The following NKAIN2 variants were observed in gnomAD, a reference collection of about 807,000 sequenced individuals.
NKAIN2 encodes sodium/potassium-transporting ATPase subunit beta-1-interacting protein 2.
In NKAIN2, 14 loss-of-function variants were observed where a neutral mutation model predicts 32.6. The ratio of observed to expected loss-of-function variants is 0.43; its 90% CI spans 0.28 to 0.67. The LOEUF (loss-of-function observed/expected upper bound fraction) is 0.67, where lower values mean the gene tolerates loss of function less well. Among genes scored for constraint, NKAIN2 ranks in the 30% least tolerant of loss-of-function variants. NKAIN2 has a pLI of 0.17. For missense variants in NKAIN2, 198 were observed against 258.3 expected, an observed-to-expected ratio of 0.77 and a Z score of 1.60; for synonymous variants, 80 against 87.2, an observed-to-expected ratio of 0.92 and a Z score of 0.46.
intron 1 of NKAIN2, among the ~76,000 whole-genome samples, chr6:124,154,479 G>T (rs1052966713): frequency 1.3e-5 from 2 of 151,892 alleles, no homozygotes; most frequent in African/African-American, 4.8e-5. Flanking sequence ...AGATAACTTA[G>T]CTTCTTACTG....
In NKAIN2 at chr6:124,531,847, T is replaced by G. The variant is rs1378184375; in HGVS notation, c.274-126339T>G. ...CACCATGCCCAGCTAATTTTTGTAT[T>G]TTTTGTACAGACGGGGTTTCACCAT... On this transcript the variant is annotated intron_variant, in intron 3 of 6. Transcript: ENST00000368417. Among the ~76,000 whole-genome samples, 3 of 152,176 alleles carry G rather than the reference T, an allele frequency of 2.0e-5. No individual in the cohort carries two copies. The East Asian group carries it at 5.8e-4, about 29-fold the overall frequency.
At chr6:124,552,224 AC>A (rs1780315054) in intron 3 of NKAIN2, among the ~76,000 whole-genome samples, 1 of 152,234 alleles carries the variant, frequency 6.6e-6, no homozygotes, top group African/African-American at 2.4e-5. Flanking sequence ...TAAATTGTAT[AC>A]AAACATGAGG....
chr6:123,807,081 A>G (rs924156810), intron 1 of NKAIN2, among the ~76,000 whole-genome samples: 4 of 152,028 alleles, frequency 2.6e-5, no homozygotes, highest in South Asian at 2.1e-4. Flanking sequence ...TCAGAATTCT[A>G]TATCTGTGCT....
intron 5 of NKAIN2, among the ~76,000 whole-genome samples, chr6:124,814,635 G>A (rs998305264): frequency 6.6e-6 from 1 of 152,012 alleles, no homozygotes; most frequent in African/African-American, 2.4e-5. Flanking sequence ...CAAGCCCCAG[G>A]CCACTCAAGC....
At chr6:124,336,232 C>A (rs1360890643) in intron 2 of NKAIN2, among the ~76,000 whole-genome samples, 2 of 152,130 alleles carry the variant, frequency 1.3e-5, no homozygotes, top group Non-Finnish European at 2.9e-5. Context: ...AGCTCTCAGG[C>A]AGGTCAAATC....
intron 3 of NKAIN2, among the ~76,000 whole-genome samples, chr6:124,409,977 G>A (rs1257534233): frequency 6.6e-6 from 1 of 152,142 alleles, no homozygotes; most frequent in Non-Finnish European, 1.5e-5. Context: ...TAGTTTATTT[G>A]CATAGAGGTG....
At chr6:124,707,755 G>A (rs1238578561) in intron 4 of NKAIN2, among the ~76,000 whole-genome samples, 1 of 151,692 alleles carries the variant, frequency 6.6e-6, no homozygotes, top group African/African-American at 2.4e-5. Context: ...TTTGTCAGAT[G>A]AGTAGGTTGC....
intron 1 of NKAIN2, among the ~76,000 whole-genome samples, chr6:124,171,547 A>ATTTTTT (rs10665262): frequency 0.012 from 1,142 of 96,434 alleles, 72 homozygotes; most frequent in African/African-American, 0.042. Context: ...GGCCGATTTG[A>ATTTTTT]TTTTTTTTTT....
intron 1 of NKAIN2, among the ~76,000 whole-genome samples, chr6:124,098,020 T>G (rs1784716443): frequency 6.6e-6 from 1 of 152,164 alleles, no homozygotes; most frequent in African/African-American, 2.4e-5. Flanking sequence ...ATGAATGATT[T>G]TTTTTGGTTG....
chr6:123,852,004 G>A (rs1775367888), intron 1 of NKAIN2, among the ~76,000 whole-genome samples: 1 of 151,856 alleles, frequency 6.6e-6, no homozygotes, highest in Non-Finnish European at 1.5e-5. Flanking sequence ...ATGCTTTTGG[G>A]ATCATATCAA....
At chr6:124,083,992 G>T (rs1784085879) in intron 1 of NKAIN2, among the ~76,000 whole-genome samples, 1 of 151,934 alleles carries the variant, frequency 6.6e-6, no homozygotes, top group African/African-American at 2.4e-5. Context: ...AGAGAAACAG[G>T]TACCAATAAA....
chr6:124,781,831 T>C (rs1434051350), intron 4 of NKAIN2, among the ~76,000 whole-genome samples: 1 of 152,160 alleles, frequency 6.6e-6, no homozygotes, highest in East Asian at 1.9e-4. Flanking sequence ...ATGGATAGAC[T>C]TGACGGGCCT....
chr6:124,524,913 C>T (rs931105328), intron 3 of NKAIN2, among the ~76,000 whole-genome samples: 3 of 152,138 alleles, frequency 2.0e-5, no homozygotes, highest in African/African-American at 7.2e-5. Context: ...ATGTAGATGT[C>T]AGATAAAATC....
At chr6:124,463,516 G>A (rs941357604) in intron 3 of NKAIN2, among the ~76,000 whole-genome samples, 1 of 151,992 alleles carries the variant, frequency 6.6e-6, no homozygotes, top group African/African-American at 2.4e-5. Context: ...AGCCACTGTT[G>A]TTTTCATCCT....
chr6:123,957,542 A>G (rs1777651319), intron 1 of NKAIN2, among the ~76,000 whole-genome samples: 3 of 152,188 alleles, frequency 2.0e-5, no homozygotes, highest in Admixed American at 2.0e-4. Context: ...AATTTTGAAA[A>G]AGTCTTTACT....
At chr6:124,598,187 AGTT>A (rs2114974765) in intron 3 of NKAIN2, among the ~76,000 whole-genome samples, 1 of 152,304 alleles carries the variant, frequency 6.6e-6, no homozygotes, top group East Asian at 1.9e-4. Flanking sequence ...AGGAAAAACT[AGTT>A]GTGAATCTTG....
chr6:124,570,555 GC>G (rs1781087351), intron 3 of NKAIN2, among the ~76,000 whole-genome samples: 1 of 152,218 alleles, frequency 6.6e-6, no homozygotes, highest in Non-Finnish European at 1.5e-5. Flanking sequence ...GAGGGTGGAA[GC>G]CCCAGGCATT....
chr6:124,034,049 T>C (rs1161621346), intron 1 of NKAIN2, among the ~76,000 whole-genome samples: 5 of 152,144 alleles, frequency 3.3e-5, no homozygotes, highest in East Asian at 1.9e-4. Context: ...CTGTATCATA[T>C]AGTGATGAAC....
At chr6:124,533,492 T>G (rs1403246551) in intron 3 of NKAIN2, among the ~76,000 whole-genome samples, 4 of 43,406 alleles carry the variant, frequency 9.2e-5, no homozygotes, top group Admixed American at 3.9e-4. Context: ...AAAAAAAAAA[T>G]CCTGCTGATT....
Sources: gnomAD v4.1 joint callset for allele counts (sites outside exome capture counted in the v4.1 genomes callset) on GRCh38, gnomAD v4.1.1 for gene constraint, MANE v1.5 for transcripts, NCBI Gene and HGNC (gene_info 2026-07-23, HGNC 2026-07-21) for gene names.